The following CLDN10 variants were observed in gnomAD, a reference collection of about 807,000 sequenced individuals.
The protein encoded by CLDN10 is claudin 10.
In CLDN10, 15 loss-of-function variants were observed where a neutral mutation model predicts 22.9. The observed-to-expected ratio is 0.65, with a 90% confidence interval of 0.44 to 1.01. The LOEUF (loss-of-function observed/expected upper bound fraction) is 1.01, where lower values mean the gene tolerates loss of function less well. CLDN10 is among the 50% of genes least tolerant of loss of function. The pLI is 0.00. For missense variants in CLDN10, 247 were observed against 287.8 expected (o/e 0.86, Z 1.03); for synonymous variants, 114 against 111.4 (o/e 1.02, Z -0.15).
At chr13:95,536,352 G>A (rs1336224042) in intron 1 of CLDN10, among the ~76,000 whole-genome samples, 2 of 152,112 alleles carry the variant, frequency 1.3e-5, no homozygotes, top group Admixed American at 6.5e-5. Flanking sequence ...TGGAGGCTGA[G>A]GCAAGAGAAT....
chr13:95,558,517 T>C (rs1270244470), intron 1 of CLDN10, among the ~76,000 whole-genome samples: 1 of 152,240 alleles, frequency 6.6e-6, no homozygotes, highest in Non-Finnish European at 1.5e-5. Context: ...GTCCTTGCAG[T>C]CTGCATTTGT....
chr13:95,562,739 T>C (rs2043731476), intron 3 of CLDN10, among the ~76,000 whole-genome samples: 1 of 152,248 alleles, frequency 6.6e-6, no homozygotes. Flanking sequence ...TTTCTCACTC[T>C]TCCGCATTAT....
Position 95,450,583 on chromosome 13 carries a change from T to G in CLDN10, c.214+16536T>G, listed in dbSNP as rs539536864. 2.0e-5 allele frequency among the ~76,000 whole-genome samples: 3 copies of G among 152,342 alleles called. No homozygotes were observed. In the South Asian group the frequency reaches 6.2e-4, roughly 32 times the overall value. On this transcript the variant is annotated intron_variant, in intron 1 of 4. Coordinates refer to the CLDN10 transcript ENST00000376873. ...TGTCTTCCTCACAGTCCGCTCTGAT[T>G]TTCCTGCTACTCCATTCAGCTGGTC...
rs35464755 is a variant in CLDN10, at chr13:95,464,739, C to CTT, written c.214+30701_214+30702dup. On this transcript the variant is annotated intron_variant, in intron 1 of 4. Coordinates refer to the CLDN10 transcript ENST00000376873. ...ACATTTCAAAGATACTGTGTTTTTG[C>CTT]TTTTTTTTTTGAGACAGGGCCTCAC... Among the ~76,000 whole-genome samples, 95 of 149,344 alleles carry CTT rather than the reference C, an allele frequency of 6.4e-4. No homozygotes were observed. The East Asian group carries it at 9.6e-3, about 15-fold the overall frequency.
At position 95,560,224 on chromosome 13, in the gene CLDN10, A is replaced by C. The variant is rs202098827; in HGVS notation, c.313A>C (p.Lys105Gln). ...TGCGCTCTTTGGAATGAAGTGTACC[A>C]AAGTCGGAGGCTCCGATAAAGCCAA... ...IFALFGMKCT[K>Q]VGGSDKAKAK... Residue 105 changes from lysine (K) to glutamine (Q), a missense_variant, in exon 2 of 5, where the codon AAA becomes CAA. Coordinates refer to ENST00000299339, the MANE Select transcript of CLDN10 (RefSeq NM_006984.5). The C allele has an allele frequency of 3.1e-6, 5 of 1,614,066 alleles. No homozygotes were observed. The highest frequency in any genetic ancestry group is 4.2e-6 in the Non-Finnish European group (5 of 1,180,026).
chr13:95,489,555 G>A (rs1275771490), intron 1 of CLDN10, among the ~76,000 whole-genome samples: 3 of 151,946 alleles, frequency 2.0e-5, no homozygotes, highest in Non-Finnish European at 4.4e-5. Context: ...ATGTCCTTGG[G>A]CCACTTTTTG....
intron 1 of CLDN10, among the ~76,000 whole-genome samples, chr13:95,461,052 CAG>C (rs2042532063): frequency 6.6e-6 from 1 of 152,130 alleles, no homozygotes; most frequent in Admixed American, 6.5e-5. Flanking sequence ...GTGGAGGTTG[CAG>C]TGAGCCGAGA....
chr13:95,552,034 C>T (rs1018881830), upstream of CLDN10, among the ~76,000 whole-genome samples: 4 of 152,206 alleles, frequency 2.6e-5, no homozygotes, highest in African/African-American at 9.6e-5. Context: ...TATGAGTACA[C>T]CAGCAAGATC....
intron 1 of CLDN10, among the ~76,000 whole-genome samples, chr13:95,464,970 G>A (rs1275553844): frequency 6.6e-6 from 1 of 152,066 alleles, no homozygotes; most frequent in Non-Finnish European, 1.5e-5. Context: ...CAAGTCATCC[G>A]CCTACCTTGG....
At chr13:95,540,029 G>A (rs1168673088) in intron 1 of CLDN10, among the ~76,000 whole-genome samples, 1 of 151,976 alleles carries the variant, frequency 6.6e-6, no homozygotes, top group Non-Finnish European at 1.5e-5. Context: ...GCCAGGCGCG[G>A]TGGCTCACGC....
At chr13:95,533,222 A>T (rs570276263) in intron 1 of CLDN10, among the ~76,000 whole-genome samples, 10 of 151,678 alleles carry the variant, frequency 6.6e-5, no homozygotes, top group African/African-American at 2.4e-4. Flanking sequence ...TCCAAAAAAA[A>T]AAAAAAGATT....
Position 95,579,579 on chromosome 13 carries a change from T to G in CLDN10, c.*1565T>G, listed in dbSNP as rs1220224771. 1 of 150,686 alleles carries G rather than the reference T, an allele frequency of 6.6e-6. No individual in the cohort carries two copies. The highest frequency in any genetic ancestry group is 1.9e-4 in the East Asian group (1 of 5,202). 9.3% of individuals were successfully genotyped at this position (150,686 alleles called of 1,614,324 possible). Reference sequence around the variant, plus strand: ...CAAAGTATGAATAAGAATTGGTATTTGTGTTATCTTTGAGTAAGAAACTGT... The same window carrying G: ...CAAAGTATGAATAAGAATTGGTATTGGTGTTATCTTTGAGTAAGAAACTGT... On this transcript the variant is annotated 3_prime_UTR_variant, in exon 5 of 5. Coordinates refer to ENST00000299339, the MANE Select transcript of CLDN10 (RefSeq NM_006984.5).
At chr13:95,471,440 C>CACACACATATATATAT (rs746573300) in intron 1 of CLDN10, among the ~76,000 whole-genome samples, 52 of 104,344 alleles carry the variant, frequency 5.0e-4, no homozygotes, top group African/African-American at 1.2e-3. Flanking sequence ...CACACACACA[C>CACACACATATATATAT]ATATATATAT....
intron 1 of CLDN10, among the ~76,000 whole-genome samples, chr13:95,545,894 G>A (rs994570672): frequency 6.6e-6 from 1 of 152,108 alleles, no homozygotes; most frequent in Non-Finnish European, 1.5e-5. Flanking sequence ...CTGAGAGCAC[G>A]GGCCAGAGCT....
chr13:95,532,792 CAA>C (rs57500288), intron 1 of CLDN10, among the ~76,000 whole-genome samples: 7 of 62,018 alleles, frequency 1.1e-4, no homozygotes, highest in East Asian at 5.8e-4. Context: ...CTCAATTCAG[CAA>C]AAAAAAAAAA....
chr13:95,564,183 A>C (rs563729757), intron 3 of CLDN10, among the ~76,000 whole-genome samples: 1 of 152,308 alleles, frequency 6.6e-6, no homozygotes, highest in East Asian at 1.9e-4. Context: ...AAGTTCCTTG[A>C]GGTCAGAAAA....
At chr13:95,497,063 T>C (rs1012810344) in intron 1 of CLDN10, 7 of 151,732 alleles carry the variant, frequency 4.6e-5, no homozygotes, top group Admixed American at 2.0e-4. Flanking sequence ...ACCTACCTCA[T>C]AGAGTTGTTG....
At chr13:95,542,510 A>C (rs138163936) in intron 1 of CLDN10, among the ~76,000 whole-genome samples, 409 of 152,364 alleles carry the variant, frequency 2.7e-3, no homozygotes, top group African/African-American at 9.2e-3. Context: ...TGTATGCTAC[A>C]TTCACTAAAT....
At chr13:95,450,678 C>G (rs1031192235) in intron 1 of CLDN10, among the ~76,000 whole-genome samples, 1 of 152,188 alleles carries the variant, frequency 6.6e-6, no homozygotes, top group Non-Finnish European at 1.5e-5. Flanking sequence ...CCAGCCAATG[C>G]AAAGTCCTGT....
Sources: gnomAD v4.1 joint callset for allele counts (sites outside exome capture counted in the v4.1 genomes callset) on GRCh38, gnomAD v4.1.1 for gene constraint, MANE v1.5 for transcripts, NCBI Gene and HGNC (gene_info 2026-07-23, HGNC 2026-07-21) for gene names.